NELFE: variants seen among roughly 807,000 people sequenced by gnomAD.
NELFE encodes the protein negative elongation factor E.
A neutral mutation model predicts 55.5 loss-of-function variants in NELFE; 26 were observed. The ratio of observed to expected loss-of-function variants is 0.47; its 90% CI spans 0.34 to 0.65. The LOEUF (loss-of-function observed/expected upper bound fraction) is 0.65. Among genes scored for constraint, NELFE ranks in the 30% least tolerant of loss-of-function variants. The pLI is 0.01. For synonymous variants in NELFE, 162 were observed against 178.0 expected (o/e 0.91, Z 0.72); for missense variants, 403 against 506.9 (o/e 0.80, Z 1.97).
chr6:31,956,638 T>C (rs777966405), intron 4 of NELFE, 55 bp downstream of exon 4: 4 of 1,545,920 alleles, frequency 2.6e-6, no homozygotes, highest in Non-Finnish European at 3.5e-6. Flanking sequence ...CCCAAACCCA[T>C]CTACATTCCA....
intron 2 of NELFE, 131 bp downstream of exon 2, chr6:31,958,241 G>C: frequency 1.2e-6 from 1 of 820,436 alleles, no homozygotes. Flanking sequence ...ACCTCTCGAA[G>C]CTACACTGTG....
At chr6:31,957,120 CAG>C in intron 2 of NELFE, 110 bp from the exon 3 acceptor site, 2 of 911,634 alleles carry the variant, frequency 2.2e-6, no homozygotes, top group Non-Finnish European at 1.7e-6. Flanking sequence ...TTGATGCCCT[CAG>C]AGTGGTACAC....
chr6:31,953,897 T>C, intron 9 of NELFE, 66 bp from the exon 10 acceptor site: 1 of 1,453,020 alleles, frequency 6.9e-7, no homozygotes, highest in Admixed American at 1.7e-5. Flanking sequence ...AAGAAGTTAT[T>C]CCAGGAGTTG....
chr6:31,958,480 A>G, intron 1 of NELFE, 26 bp from the exon 2 acceptor site: 2 of 1,595,852 alleles, frequency 1.3e-6, no homozygotes, highest in Non-Finnish European at 1.7e-6. Context: ...GGCCCAAGAC[A>G]TCTTTCTCCA....
chr6:31,954,684 C>G lies in NELFE; in HGVS notation c.613G>C (p.Asp205His). The change falls in exon 7 of 11, where the codon GAT (aspartate) becomes CAT (histidine). Residue 205 changes from aspartate (D) to histidine (H), a missense_variant. Physicochemically the swap from Asp to His is moderately conservative, Grantham distance 81 (BLOSUM62 -1). Coordinates refer to ENST00000375429, the MANE Select transcript of NELFE (RefSeq NM_002904.6). This position sits in a 1 kb window ranked among gnomAD's most constrained non-coding sequence, Gnocchi z 5.5. ...NRDRDRDRERDRDRDRDRDRE... is the reference protein window; with the variant it reads ...NRDRDRDRERHRDRDRDRDRE... ...TCTCTGTCTCGATCCCGGTCTCGAT[C>G]CCGCTCCCGATCTCGGTCTCTGTCC... 24 of 1,597,304 alleles carry G rather than the reference C, an allele frequency of 1.5e-5. No homozygotes were observed. The highest frequency in any genetic ancestry group is 2.0e-5 in the Non-Finnish European group (24 of 1,173,212).
At position 31,955,227 on chromosome 6, in the gene NELFE, G is replaced by A. The variant is rs1171223309; in HGVS notation, c.358C>T (p.Leu120=). The change falls in exon 5 of 11, where the codon CTG becomes TTG. Residue 120 remains leucine, a synonymous_variant. Coordinates refer to ENST00000375429, the MANE Select transcript of NELFE (RefSeq NM_002904.6). ...AAATTAGGAGCCTTTACCTCTTGCAGGTCATCATCAGCAGATATGCTCCTC... is the reference window on the plus strand; with the variant it reads ...AAATTAGGAGCCTTTACCTCTTGCAAGTCATCATCAGCAGATATGCTCCTC... ...FQRSISADDD[L]QESSRRPQRK... 6.2e-7 allele frequency: 1 copy of A among 1,608,682 alleles called. No homozygotes were observed. The highest frequency in any genetic ancestry group is 1.1e-5 in the South Asian group (1 of 90,536).
intron 4 of NELFE, 152 bp from the exon 5 acceptor site, chr6:31,955,445 C>A: frequency 8.0e-6 from 4 of 497,406 alleles, no homozygotes; most frequent in Non-Finnish European, 1.4e-5. Context: ...CGTGGTTTTA[C>A]TTATTTTTTT....
intron 10 of NELFE, 58 bp downstream of exon 10, chr6:31,953,671 G>C (rs1215344668): frequency 7.1e-7 from 1 of 1,417,000 alleles, no homozygotes; most frequent in Non-Finnish European, 1.0e-6. Flanking sequence ...ATGTGTGGGG[G>C]AACCAAAAGG....
In NELFE at chr6:31,955,242, A is replaced by G; in HGVS notation, c.343T>C (p.Ser115Pro). 2 of 1,605,614 alleles carry G rather than the reference A, an allele frequency of 1.2e-6. No individual in the cohort carries two copies. The highest frequency in any genetic ancestry group is 1.7e-6 in the Non-Finnish European group (2 of 1,176,340). Residue 115 changes from serine (S) to proline (P), a missense_variant, in exon 5 of 11, where the codon TCT (serine) becomes CCT (proline). This residue lies in a region of NELFE where 97 missense variants were observed against 155.3 expected (regional missense o/e 0.62). Transcript: ENST00000375429. ...ACCTCTTGCAGGTCATCATCAGCAG[A>G]TATGCTCCTCTGGAACGGCTGGAAA... ...PTFQPFQRSI[S>P]ADDDLQESSR...
intron 4 of NELFE, 41 bp from the exon 5 acceptor site, chr6:31,955,334 T>C (rs139513118): frequency 6.7e-7 from 1 of 1,487,674 alleles, no homozygotes; most frequent in African/African-American, 1.4e-5. Context: ...GAGCAGGAGG[T>C]TGCCCAACCA....
intron 4 of NELFE, among the ~76,000 whole-genome samples, chr6:31,955,879 C>G (rs1772056824): frequency 6.6e-6 from 1 of 152,138 alleles, no homozygotes; most frequent in Non-Finnish European, 1.5e-5. Flanking sequence ...AAGTGATTCT[C>G]TGGCCTCAGC....
chr6:31,955,156 T>C, intron 5 of NELFE, 60 bp from the exon 6 acceptor site: 1 of 1,612,162 alleles, frequency 6.2e-7, no homozygotes, highest in Non-Finnish European at 8.5e-7. Flanking sequence ...TGGTCCAAAA[T>C]ATATTTGTCT....
Position 31,954,190 on chromosome 6 carries a change from C to G in NELFE, c.888-56G>C. The G allele has an allele frequency of 1.2e-6, 2 of 1,612,052 alleles. No homozygotes were observed. The highest frequency in any genetic ancestry group is 2.2e-5 in the East Asian group (1 of 44,870). On this transcript the variant is annotated intron_variant, in intron 8 of 10. Coordinates refer to ENST00000375429, the MANE Select transcript of NELFE (RefSeq NM_002904.6). The surrounding 1 kb of genome is among the most constrained non-coding windows in gnomAD (Gnocchi z 5.5). The stretch of plus-strand genomic sequence containing the variant: ...AGCCAAGGGGCTCTTCTGGACCCAA[C>G]CAAACCCAGTGATAATAGGCGGCTG...
intron 2 of NELFE, among the ~76,000 whole-genome samples, chr6:31,957,891 T>C (rs1772187416): frequency 6.6e-6 from 1 of 152,138 alleles, no homozygotes; most frequent in Non-Finnish European, 1.5e-5. Flanking sequence ...CTCGGGGGAA[T>C]GCACAGTGAA....
In NELFE at chr6:31,957,018, CA is replaced by C. The variant is rs749641146; in HGVS notation, c.76-9del. ...AGCCAGCAATGCCTTTTTCTGGGAA[CA>C]AGGGTGAGAAGAGAGAGGTAAGTGA... On this transcript the variant is annotated splice_polypyrimidine_tract_variant and intron_variant, in intron 2 of 10. Coordinates refer to ENST00000375429, the MANE Select transcript of NELFE (RefSeq NM_002904.6). 1.3e-6 allele frequency: 2 copies of C among 1,593,926 alleles called. No individual in the cohort carries two copies. Among genetic ancestry groups the C allele is most frequent in the Non-Finnish European group, 1.7e-6 (2 of 1,165,456 alleles).
In NELFE at chr6:31,956,859, G is replaced by A; in HGVS notation, c.146-21C>T. On this transcript the variant is annotated intron_variant, in intron 3 of 10. Coordinates refer to ENST00000375429, the MANE Select transcript of NELFE (RefSeq NM_002904.6). Reference sequence around the variant, plus strand: ...TAGTGCTGGAGAGACAAGGGGAAGAGGCATTATGTTGGCCAAGCCATGATG... The same window carrying A: ...TAGTGCTGGAGAGACAAGGGGAAGAAGCATTATGTTGGCCAAGCCATGATG... 6 of 1,613,058 alleles carry A rather than the reference G, an allele frequency of 3.7e-6. No homozygotes were observed. In the East Asian group the frequency reaches 6.7e-5, roughly 18 times the overall value.
chr6:31,954,995 A>G lies in NELFE; in HGVS notation c.404+64T>C. ...CTATAGCCCAGCTCCTACAGCCCAA[A>G]CCTCCCAAGGACTCAGGCAATCAAC... On this transcript the variant is annotated intron_variant, in intron 6 of 10. Coordinates refer to ENST00000375429, the MANE Select transcript of NELFE (RefSeq NM_002904.6). This position sits in a 1 kb window ranked among gnomAD's most constrained non-coding sequence, Gnocchi z 5.5. 1 of 1,613,092 alleles carries G rather than the reference A, an allele frequency of 6.2e-7. No individual in the cohort carries two copies. Among genetic ancestry groups the G allele is most frequent in the South Asian group, 1.1e-5 (1 of 91,038 alleles).
rs541259584 is a variant in NELFE at position 31,954,687 on chromosome 6, G to A, written c.610C>T (p.Arg204Trp). Residue 204 changes from arginine (R) to tryptophan (W), a missense_variant, in exon 7 of 11, where the codon CGG becomes TGG. Around this residue, in one of 3 missense-constraint regions of NELFE, gnomAD observed 229 missense variants for 228.3 expected, o/e 1.00. Transcript: ENST00000375429. This position sits in a 1 kb window ranked among gnomAD's most constrained non-coding sequence, Gnocchi z 5.5. ...CTGTCTCGATCCCGGTCTCGATCCC[G>A]CTCCCGATCTCGGTCTCTGTCCCGG... ...RNRDRDRDRE[R>W]DRDRDRDRDR... is the part of the protein sequence containing the mutation. 4.3e-5 allele frequency: 69 copies of A among 1,593,600 alleles called. 1 individual carries two copies. The South Asian group carries it at 6.4e-4, about 15-fold the overall frequency.
At chr6:31,953,516 T>C (rs1771886041) in intron 10 of NELFE, among the ~76,000 whole-genome samples, 1 of 152,250 alleles carries the variant, frequency 6.6e-6, no homozygotes, top group Non-Finnish European at 1.5e-5. Context: ...CTTTCTTCCC[T>C]GTTCCAGTCA....
Sources: gnomAD v4.1 joint callset for allele counts (sites outside exome capture counted in the v4.1 genomes callset) on GRCh38, gnomAD v4.1.1 for gene constraint, gnomAD v4.1.1 regional missense constraint, Gnocchi (gnomAD v3.1) non-coding constraint, MANE v1.5 for transcripts, NCBI Gene and HGNC (gene_info 2026-07-23, HGNC 2026-07-21) for gene names.